Variants in RANBP17 observed in about 807,000 individuals in gnomAD.
RANBP17 encodes the protein RAN binding protein 17, also known as ran-binding protein 17.
A neutral mutation model predicts 141.2 loss-of-function variants in RANBP17; 158 were observed. That is an observed-to-expected ratio of 1.12 (90% CI 0.98 to 1.28). The LOEUF is 1.28. Ranked by LOEUF, RANBP17 falls within the 50% of genes most tolerant of loss-of-function variation. RANBP17 has a pLI of 0.00. For missense variants in RANBP17, 1,438 were observed against 1,290.7 expected, an observed-to-expected ratio of 1.11 and a Z score of -1.75; for synonymous variants, 430 against 450.0, an observed-to-expected ratio of 0.96 and a Z score of 0.56.
At chr5:170,878,023 C>T (rs1356955950) in intron 1 of RANBP17, 74 bp from the exon 2 acceptor site, 3 of 1,016,924 alleles carry the variant, frequency 3.0e-6, no homozygotes, top group African/African-American at 1.6e-5. Context: ...TATTTGTATC[C>T]CTTGTTTTTT....
At chr5:171,265,947 T>C in intron 25 of RANBP17, 100 bp downstream of exon 25, 1 of 964,790 alleles carries the variant, frequency 1.0e-6, no homozygotes, top group African/African-American at 1.7e-5. Context: ...CCAAGACTTT[T>C]TATACTGGTA....
At chr5:171,275,879 G>A (rs571084212) in intron 25 of RANBP17, among the ~76,000 whole-genome samples, 2 of 152,256 alleles carry the variant, frequency 1.3e-5, no homozygotes, top group African/African-American at 4.8e-5. Context: ...GAGCAATTTG[G>A]AACGCTGAAG....
intron 3 of RANBP17, among the ~76,000 whole-genome samples, chr5:170,891,851 C>G (rs557213819): frequency 3.3e-5 from 5 of 152,142 alleles, no homozygotes; most frequent in African/African-American, 4.8e-5. Flanking sequence ...AGCCTGGTTT[C>G]GGTTTTCTGC....
chr5:171,036,233 C>T (rs1308939120), intron 14 of RANBP17, among the ~76,000 whole-genome samples: 1 of 152,100 alleles, frequency 6.6e-6, no homozygotes, highest in Non-Finnish European at 1.5e-5. Flanking sequence ...GTCTTTATGT[C>T]CATGAGTACT....
intron 14 of RANBP17, among the ~76,000 whole-genome samples, chr5:171,006,562 CAGGAA>C (rs1012246373): frequency 1.3e-5 from 2 of 151,966 alleles, no homozygotes; most frequent in African/African-American, 4.8e-5. Context: ...CACATGGACA[CAGGAA>C]GGGGAACATC....
At chr5:171,269,926 A>G (rs1036401300) in intron 25 of RANBP17, among the ~76,000 whole-genome samples, 3 of 152,224 alleles carry the variant, frequency 2.0e-5, no homozygotes, top group African/African-American at 7.2e-5. Context: ...TCAGCTCTTT[A>G]AACTAAACTG....
intron 25 of RANBP17, among the ~76,000 whole-genome samples, chr5:171,269,496 A>G (rs968052129): frequency 4.6e-5 from 7 of 152,200 alleles, no homozygotes; most frequent in African/African-American, 1.7e-4. Context: ...TGGACTTGAA[A>G]AAGAGGGAGT....
At chr5:171,186,407 C>T (rs1176083699) in intron 18 of RANBP17, among the ~76,000 whole-genome samples, 1 of 152,056 alleles carries the variant, frequency 6.6e-6, no homozygotes, top group African/African-American at 2.4e-5. Flanking sequence ...GAACCAACCT[C>T]TGCTAGCTTC....
chr5:171,094,834 CCT>C (rs1786563264), intron 14 of RANBP17, among the ~76,000 whole-genome samples: 1 of 152,046 alleles, frequency 6.6e-6, no homozygotes, highest in Non-Finnish European at 1.5e-5. Flanking sequence ...GTATTCTGTC[CCT>C]ACTTTTTTCC....
chr5:170,964,644 A>G (rs1174275893), intron 13 of RANBP17, among the ~76,000 whole-genome samples: 1 of 151,902 alleles, frequency 6.6e-6, no homozygotes. Flanking sequence ...GAGAACATGC[A>G]GTGTTTGGTT....
intron 16 of RANBP17, among the ~76,000 whole-genome samples, chr5:171,180,252 G>A (rs1353633216): frequency 6.6e-6 from 1 of 152,184 alleles, no homozygotes; most frequent in Non-Finnish European, 1.5e-5. Context: ...ATGATCTCTG[G>A]AGGAGAACTA....
chr5:171,174,871 C>T (rs1487772048), intron 16 of RANBP17, among the ~76,000 whole-genome samples: 1 of 151,144 alleles, frequency 6.6e-6, no homozygotes, highest in Non-Finnish European at 1.5e-5. Context: ...TACATAGGTA[C>T]ACGCGTGCCA....
intron 14 of RANBP17, among the ~76,000 whole-genome samples, chr5:171,058,124 C>A (rs1461611520): frequency 2.0e-5 from 3 of 151,564 alleles, no homozygotes; most frequent in Non-Finnish European, 4.4e-5. Flanking sequence ...ATGGCATTAC[C>A]TATTTCTCTC....
intron 7 of RANBP17, among the ~76,000 whole-genome samples, chr5:170,913,377 T>C (rs751738907): frequency 6.6e-6 from 1 of 151,944 alleles, no homozygotes; most frequent in African/African-American, 2.4e-5. Flanking sequence ...TATTTGATGC[T>C]ATTGATGGTG....
chr5:171,254,731 G>GA (rs1268068115), intron 24 of RANBP17, among the ~76,000 whole-genome samples: 1 of 152,138 alleles, frequency 6.6e-6, no homozygotes, highest in Non-Finnish European at 1.5e-5. Context: ...GTAACTTGCA[G>GA]AAAATTATTG....
At chr5:171,076,300 G>C (rs964098908) in intron 14 of RANBP17, among the ~76,000 whole-genome samples, 1 of 152,166 alleles carries the variant, frequency 6.6e-6, no homozygotes, top group Admixed American at 6.5e-5. Flanking sequence ...TGGGATTTTG[G>C]GTTCTGGAGA....
intron 14 of RANBP17, among the ~76,000 whole-genome samples, chr5:171,075,726 G>A (rs200360259): frequency 6.6e-6 from 1 of 152,192 alleles, no homozygotes; most frequent in East Asian, 1.9e-4. Flanking sequence ...GCCAAGGTGG[G>A]CAGATTGCTT....
chr5:171,061,554 C>G (rs1783852342), intron 14 of RANBP17, among the ~76,000 whole-genome samples: 1 of 152,066 alleles, frequency 6.6e-6, no homozygotes, highest in Non-Finnish European at 1.5e-5. Context: ...TGATCTTTTA[C>G]ATTTGCTGAG....
chr5:171,220,081 A>G lies in RANBP17; in HGVS notation c.2340-1677A>G, dbSNP rs1327813767. 3.3e-5 allele frequency among the ~76,000 whole-genome samples: 5 copies of G among 151,886 alleles called. No homozygotes were observed. The South Asian group carries it at 6.2e-4, about 19-fold the overall frequency. On this transcript the variant is annotated intron_variant, in intron 21 of 27. Coordinates refer to ENST00000523189, the MANE Select transcript of RANBP17 (RefSeq NM_022897.5). Reference sequence around the variant, plus strand: ...GATGACCTTTAAATGGAGTTTTTGTATGGGGGTCCTTTATGTTGATGTTGA... The same window carrying G: ...GATGACCTTTAAATGGAGTTTTTGTGTGGGGGTCCTTTATGTTGATGTTGA...
Sources: gnomAD v4.1 joint callset for allele counts (sites outside exome capture counted in the v4.1 genomes callset) on GRCh38, gnomAD v4.1.1 for gene constraint, MANE v1.5 for transcripts, NCBI Gene and HGNC (gene_info 2026-07-23, HGNC 2026-07-21) for gene names.